TTC28: variants seen among roughly 807,000 people sequenced by gnomAD.
The protein encoded by TTC28 is tetratricopeptide repeat domain 28, also known as tetratricopeptide repeat protein 28.
TTC28 carries 61 observed loss-of-function variants against 198.0 expected under a neutral mutation model. The ratio of observed to expected loss-of-function variants is 0.31; its 90% confidence interval spans 0.25 to 0.38. The LOEUF (loss-of-function observed/expected upper bound fraction) is 0.38, where lower values mean the gene tolerates loss of function less well. Ranked by LOEUF, TTC28 falls within the 10% of genes least tolerant of loss-of-function variation. TTC28 has a pLI of 1.00. For missense variants in TTC28, 2,678 were observed against 3,164.0 expected (o/e 0.85, Z 3.69); for synonymous variants, 1,171 against 1,297.8 (o/e 0.90, Z 2.10).
rs535110736 is a variant in TTC28, at chr22:28,392,460, T to G, written c.382-85817A>C. Among the ~76,000 whole-genome samples the G allele has an allele frequency of 5.3e-5, 8 of 152,350 alleles. No individual in the cohort carries two copies. The South Asian group carries it at 1.7e-3, about 32-fold the overall frequency. ...CCCAGCCTCGCTGCCGCCTTGCAGT[T>G]TGATCTCAGACTGCTGTGCTAGCAA... On this transcript the variant is annotated intron_variant, in intron 2 of 22. Coordinates refer to ENST00000397906, the MANE Select transcript of TTC28 (RefSeq NM_001145418.2).
chr22:28,475,168 A>AG (rs2048146472), intron 2 of TTC28, among the ~76,000 whole-genome samples: 1 of 150,516 alleles, frequency 6.6e-6, no homozygotes, highest in African/African-American at 2.4e-5. Flanking sequence ...AAAAAAAAAA[A>AG]AAAAGAAAGA....
At chr22:28,129,704 G>A (rs1601355652) in intron 6 of TTC28, among the ~76,000 whole-genome samples, 1 of 152,314 alleles carries the variant, frequency 6.6e-6, no homozygotes, top group East Asian at 1.9e-4. Context: ...CACCTCAGGG[G>A]AAATGATTCC....
chr22:28,301,620 CT>C, intron 3 of TTC28, among the ~76,000 whole-genome samples: 1 of 152,286 alleles, frequency 6.6e-6, no homozygotes, highest in South Asian at 2.1e-4. Context: ...TTTAATACCT[CT>C]GAAATCAACA....
At chr22:28,225,565 G>A (rs555819888) in intron 5 of TTC28, among the ~76,000 whole-genome samples, 9 of 152,006 alleles carry the variant, frequency 5.9e-5, no homozygotes, top group Non-Finnish European at 1.2e-4. Flanking sequence ...AAATAATAAT[G>A]ACCTAAAGAA....
intron 12 of TTC28, among the ~76,000 whole-genome samples, chr22:28,086,785 G>T (rs13054013): frequency 0.037 from 5,688 of 152,022 alleles, 179 homozygotes; most frequent in South Asian, 0.054. Context: ...ATAAAGAAAA[G>T]AGAGAAGAAT....
intron 5 of TTC28, among the ~76,000 whole-genome samples, chr22:28,203,089 G>A (rs1388086355): frequency 2.0e-5 from 3 of 151,870 alleles, no homozygotes; most frequent in Non-Finnish European, 4.4e-5. Flanking sequence ...ACATCCTTCC[G>A]TAGATATGGT....
intron 14 of TTC28, among the ~76,000 whole-genome samples, chr22:28,006,358 C>T (rs976925007): frequency 6.6e-6 from 1 of 152,204 alleles, no homozygotes; most frequent in African/African-American, 2.4e-5. Flanking sequence ...CACTGGTGTG[C>T]ACTCCAGACA....
intron 2 of TTC28, among the ~76,000 whole-genome samples, chr22:28,355,768 C>T (rs566995794): frequency 3.9e-5 from 6 of 152,304 alleles, no homozygotes; most frequent in African/African-American, 1.4e-4. Context: ...GCTGAGTATT[C>T]AAAAGCCCAA....
intron 14 of TTC28, among the ~76,000 whole-genome samples, chr22:28,011,641 G>A (rs1938171381): frequency 6.6e-6 from 1 of 152,132 alleles, no homozygotes; most frequent in South Asian, 2.1e-4. Context: ...ATCCATAGAT[G>A]AGGAACCCAT....
At chr22:28,575,456 T>C (rs1171000418) in intron 2 of TTC28, among the ~76,000 whole-genome samples, 1 of 152,160 alleles carries the variant, frequency 6.6e-6, no homozygotes. Context: ...TCCTCCAGTT[T>C]TGTTCTTTTT....
At chr22:28,531,364 C>T (rs530932017) in intron 2 of TTC28, among the ~76,000 whole-genome samples, 5 of 152,252 alleles carry the variant, frequency 3.3e-5, no homozygotes, top group African/African-American at 9.6e-5. Flanking sequence ...GCTAACTATC[C>T]TAAATATATA....
intron 14 of TTC28, among the ~76,000 whole-genome samples, chr22:28,009,093 G>GA (rs1397659038): frequency 2.0e-5 from 3 of 152,228 alleles, no homozygotes; most frequent in Non-Finnish European, 4.4e-5. Flanking sequence ...CTTAATGTTT[G>GA]ATGATGGCTC....
rs147921360 is a variant in TTC28 at position 28,432,844 on chromosome 22, A to G, written c.382-126201T>C. Among the ~76,000 whole-genome samples the G allele has an allele frequency of 5.4e-4, 83 of 152,306 alleles. 1 individual carries two copies. In the East Asian group the frequency reaches 0.016, roughly 29 times the overall value. On this transcript the variant is annotated intron_variant, in intron 2 of 22. Transcript: ENST00000397906. ...AAAGCTAATCCTCCCTTGAAATTAT[A>G]AAGTATGTGAAGTTTGTGGTCAACA... is the stretch of plus-strand genomic sequence containing the variant.
rs537759504 is a variant in TTC28, at chr22:28,098,830, T to C, written c.3547+85A>G. ...ACAACAAATCATATTTCTTCACCGCTGTCACTAAACAACTTGGACACATGG... is the reference window on the plus strand; with the variant it reads ...ACAACAAATCATATTTCTTCACCGCCGTCACTAAACAACTTGGACACATGG... On this transcript the variant is annotated intron_variant, in intron 10 of 22. Transcript: ENST00000397906. 46 of 1,466,678 alleles carry C rather than the reference T, an allele frequency of 3.1e-5. No individual in the cohort carries two copies. The African/African-American group carries it at 5.6e-4, about 18-fold the overall frequency. 90.9% of individuals were successfully genotyped at this position (1,466,678 alleles called of 1,614,324 possible).
chr22:28,210,248 C>A (rs144709664), intron 5 of TTC28, among the ~76,000 whole-genome samples: 5 of 152,176 alleles, frequency 3.3e-5, no homozygotes, highest in African/African-American at 1.2e-4. Flanking sequence ...ACCAAAGGAA[C>A]GCAGCTTCTC....
Position 28,163,394 on chromosome 22 carries a change from T to A in TTC28, c.1139A>T (p.His380Leu). The part of the protein sequence containing the change: ...FENAVQCHEQ[H>L]LKIAKDLGNK... ...CCCCAGGTCCTTGGCTATCTTCAGATGCTGCTCATGGCACTGCACAGCATT... is the reference window on the plus strand; with the variant it reads ...CCCCAGGTCCTTGGCTATCTTCAGAAGCTGCTCATGGCACTGCACAGCATT... Residue 380 changes from histidine (H) to leucine (L), a missense_variant, in exon 6 of 23, where the codon CAT (histidine) becomes CTT (leucine). By Grantham distance (99) the His-to-Leu change is moderately conservative (BLOSUM62 -3). Transcript: ENST00000397906. 6.4e-7 allele frequency: 1 copy of A among 1,552,046 alleles called. No individual in the cohort carries two copies. The highest frequency in any genetic ancestry group is 8.7e-7 in the Non-Finnish European group (1 of 1,147,046).
intron 2 of TTC28, among the ~76,000 whole-genome samples, chr22:28,324,934 T>C (rs2045503761): frequency 6.6e-6 from 1 of 152,096 alleles, no homozygotes; most frequent in African/African-American, 2.4e-5. Context: ...GGTCTAAAAT[T>C]CTCTTTTTTT....
intron 6 of TTC28, among the ~76,000 whole-genome samples, chr22:28,144,449 G>T (rs565261605): frequency 6.6e-6 from 1 of 152,328 alleles, no homozygotes; most frequent in African/African-American, 2.4e-5. Context: ...AGAAATCTGG[G>T]TTTACCATTA....
intron 6 of TTC28, among the ~76,000 whole-genome samples, chr22:28,122,392 TA>T (rs1403327322): frequency 1.3e-5 from 2 of 152,228 alleles, no homozygotes; most frequent in East Asian, 3.8e-4. Context: ...AGCCCTTATT[TA>T]TTTAAACCAT....
Sources: allele counts gnomAD v4.1 joint callset (sites outside exome capture counted in the v4.1 genomes callset), GRCh38; gene constraint gnomAD v4.1.1; transcripts MANE v1.5; gene names NCBI Gene and HGNC (gene_info 2026-07-23, HGNC 2026-07-21).